Variants in TLK1 observed in about 807,000 individuals in gnomAD.
TLK1 encodes tousled like kinase 1.
Under a neutral mutation model 105.3 loss-of-function variants are expected in TLK1, and 24 were observed. The observed-to-expected ratio is 0.23, with a 90% confidence interval of 0.17 to 0.32. The LOEUF (loss-of-function observed/expected upper bound fraction) is 0.32. TLK1 is among the 10% of genes least tolerant of loss of function. The pLI is 1.00. For synonymous variants in TLK1, 321 were observed against 310.4 expected (o/e 1.03, Z -0.36); for missense variants, 558 against 910.5 (o/e 0.61, Z 4.98).
At chr2:171,036,840 G>C (rs1489661008) in intron 11 of TLK1, among the ~76,000 whole-genome samples, 3 of 152,280 alleles carry the variant, frequency 2.0e-5, no homozygotes, top group Non-Finnish European at 4.4e-5. Flanking sequence ...TGGGGATGTT[G>C]AGATAGGGTG....
chr2:171,139,559 A>G (rs1441830841), intron 1 of TLK1, among the ~76,000 whole-genome samples: 1 of 152,132 alleles, frequency 6.6e-6, no homozygotes, highest in Non-Finnish European at 1.5e-5. Flanking sequence ...CCACCACTGC[A>G]CTCCAGCCTG....
rs1021857089 is a variant in TLK1 at position 171,213,529 on chromosome 2, T to A, written c.-6+17616A>T. Reference sequence around the variant, plus strand: ...ATATCTTTTTTTTAAAAAAAAAAATTTATTTTAGTTTGGGCCCGGTGGCTC... The same window carrying A: ...ATATCTTTTTTTTAAAAAAAAAAATATATTTTAGTTTGGGCCCGGTGGCTC... On this transcript the variant is annotated intron_variant, in intron 1 of 20. Coordinates refer to the TLK1 transcript ENST00000521943. Among the ~76,000 whole-genome samples the A allele has an allele frequency of 5.3e-5, 8 of 151,234 alleles. No homozygotes were observed. The South Asian group carries it at 1.3e-3, about 24-fold the overall frequency.
chr2:171,066,670 A>G (rs1361328631), intron 3 of TLK1, among the ~76,000 whole-genome samples: 1 of 152,234 alleles, frequency 6.6e-6, no homozygotes, highest in African/African-American at 2.4e-5. Flanking sequence ...AAAGGAGTAT[A>G]CTAAGTTTTT....
rs760247845 is a variant in TLK1, at chr2:171,194,817, AGG to A, written c.-6+36326_-6+36327del. ...GGGCGACAGAGCGAGACTCCGTCTC[AGG>A]GAAAAAAAAAAAAAAAAAAAAGTAA... On this transcript the variant is annotated intron_variant, in intron 1 of 20. Coordinates refer to the TLK1 transcript ENST00000521943. 9.3e-3 allele frequency among the ~76,000 whole-genome samples: 879 copies of A among 94,328 alleles called. 13 individuals carry two copies. Among genetic ancestry groups the A allele is most frequent in the African/African-American group, 0.045 (762 of 16,926 alleles). The allele number at this position is 94,328 out of a possible 152,430, so 61.9% of individuals were successfully genotyped here. A position where few individuals can be genotyped will look rare whatever the true frequency, so the allele number is the denominator to read the frequency against.
chr2:171,105,219 G>C (rs1356524985), intron 2 of TLK1, among the ~76,000 whole-genome samples: 1 of 152,158 alleles, frequency 6.6e-6, no homozygotes, highest in African/African-American at 2.4e-5. Context: ...GATACAACCT[G>C]CAAGAAAGTG....
At position 171,006,862 on chromosome 2, in the gene TLK1, G is replaced by A. The variant is rs750733248; in HGVS notation, c.1536C>T (p.His512=). 1.9e-6 allele frequency: 3 copies of A among 1,613,028 alleles called. No homozygotes were observed. The highest frequency in any genetic ancestry group is 2.2e-5 in the South Asian group (2 of 91,042). ...CTATTCTGGGGTGATCCAGTTCTTTGTGTATTCTATACTCTCTGCAGGCAT... is the reference window on the plus strand; with the variant it reads ...CTATTCTGGGGTGATCCAGTTCTTTATGTATTCTATACTCTCTGCAGGCAT... The part of the protein sequence containing the change: ...HKHACREYRI[H]KELDHPRIVK... The change falls in exon 16 of 21, where the codon CAC becomes CAT. Residue 512 remains histidine, a synonymous_variant. Coordinates refer to ENST00000431350, the MANE Select transcript of TLK1 (RefSeq NM_012290.5).
intron 1 of TLK1, among the ~76,000 whole-genome samples, chr2:171,195,065 A>C (rs1693241247): frequency 6.6e-6 from 1 of 152,050 alleles, no homozygotes; most frequent in Admixed American, 6.5e-5. Context: ...TCTGATATGC[A>C]TTTTCGTATA....
upstream of TLK1, among the ~76,000 whole-genome samples, chr2:171,163,440 T>C (rs1692552393): frequency 1.3e-5 from 2 of 152,230 alleles, no homozygotes; most frequent in Non-Finnish European, 1.5e-5. Context: ...CTTTCTGTAT[T>C]TTTAAGAGTA....
chr2:171,002,572 CCTG>C (rs1237982824), intron 18 of TLK1, among the ~76,000 whole-genome samples: 6 of 152,108 alleles, frequency 3.9e-5, no homozygotes, highest in African/African-American at 1.4e-4. Flanking sequence ...CCGCGCCTGG[CCTG>C]CTTTTTCTAA....
chr2:171,139,092 A>G (rs959554938), intron 1 of TLK1, among the ~76,000 whole-genome samples: 4 of 152,228 alleles, frequency 2.6e-5, no homozygotes, highest in African/African-American at 9.6e-5. Context: ...GACGTGTATC[A>G]CATTTTTACT....
At chr2:171,029,454 AC>A (rs1388964077) in intron 11 of TLK1, among the ~76,000 whole-genome samples, 1 of 151,966 alleles carries the variant, frequency 6.6e-6, no homozygotes, top group Non-Finnish European at 1.5e-5. Context: ...ACATAGCAAA[AC>A]CCCGTCTCAA....
chr2:171,149,174 T>G (rs957537884), intron 1 of TLK1, among the ~76,000 whole-genome samples: 18 of 147,336 alleles, frequency 1.2e-4, no homozygotes, highest in African/African-American at 4.5e-4. Flanking sequence ...TATTTCTCTC[T>G]AGCCTGGACA....
In TLK1 at chr2:171,160,565, G is replaced by A. The variant is rs1174640430; in HGVS notation, c.-137C>T. ...AGGGCTGGGAGGGGAGAGTCAAGGG[G>A]ATGGGGGAGGAAACCGAGAAGAGGG... On this transcript the variant is annotated 5_prime_UTR_variant, in exon 1 of 21. Coordinates refer to ENST00000431350, the MANE Select transcript of TLK1 (RefSeq NM_012290.5). The surrounding 1 kb of genome is among the most constrained non-coding windows in gnomAD (Gnocchi z 4.4). 2.5e-6 allele frequency: 3 copies of A among 1,193,144 alleles called. No homozygotes were observed. The highest frequency in any genetic ancestry group is 1.3e-5 in the South Asian group (1 of 74,750). 73.9% of individuals were successfully genotyped at this position (1,193,144 alleles called of 1,614,324 possible). A position where few individuals can be genotyped will look rare whatever the true frequency, so the allele number is the denominator to read the frequency against.
chr2:170,997,706 AT>A lies in TLK1; in HGVS notation c.2016+5del. 6.4e-7 allele frequency: 1 copy of A among 1,569,830 alleles called. No homozygotes were observed. Among genetic ancestry groups the A allele is most frequent in the Non-Finnish European group, 8.7e-7 (1 of 1,151,160 alleles). On this transcript the variant is annotated splice_donor_5th_base_variant and intron_variant, in intron 19 of 20. Transcript: ENST00000431350. Reference sequence around the variant, plus strand: ...TAGAGCTGAAGGCTGGTAGAATTCAATTTACCTTTCTACCATAAAGACACTG... The same window carrying A: ...TAGAGCTGAAGGCTGGTAGAATTCAATTACCTTTCTACCATAAAGACACTG...
At chr2:171,084,254 T>C (rs1309299183) in intron 2 of TLK1, among the ~76,000 whole-genome samples, 1 of 152,150 alleles carries the variant, frequency 6.6e-6, no homozygotes, top group Non-Finnish European at 1.5e-5. Context: ...AGAAGGGTTT[T>C]GCACTTTCAA....
chr2:171,060,177 G>C (rs1575562608), intron 4 of TLK1, among the ~76,000 whole-genome samples: 1 of 152,194 alleles, frequency 6.6e-6, no homozygotes, highest in East Asian at 1.9e-4. Context: ...AGACCACAAA[G>C]GAAAAAAACA....
At chr2:171,059,792 G>A (rs1687662173) in intron 4 of TLK1, 1 of 664,794 alleles carries the variant, frequency 1.5e-6, no homozygotes, top group East Asian at 2.7e-5. Flanking sequence ...ATTCTCATAA[G>A]GGAGTGCATA....
chr2:171,059,368 T>C (rs767130063), intron 4 of TLK1, among the ~76,000 whole-genome samples: 9 of 152,198 alleles, frequency 5.9e-5, no homozygotes, highest in Admixed American at 1.3e-4. Flanking sequence ...ACATGGCACA[T>C]GTAACTTCAG....
chr2:171,039,254 CTTTGT>C lies in TLK1; in HGVS notation c.1169+6915_1169+6919del, dbSNP rs918257810. Among the ~76,000 whole-genome samples, 30 of 151,912 alleles carry C rather than the reference CTTTGT, an allele frequency of 2.0e-4. 1 individual carries two copies. The highest frequency in any genetic ancestry group is 6.0e-4 in the African/African-American group (25 of 41,444). ...TTTCACTATGATGTGTATAGATGAGCTTTGTTTTGTTTTGTTGTTTTGTTTTTTGA... is the reference window on the plus strand; with the variant it reads ...TTTCACTATGATGTGTATAGATGAGCTTTGTTTTGTTGTTTTGTTTTTTGA... On this transcript the variant is annotated intron_variant, in intron 11 of 20. Transcript: ENST00000431350.
Sources: allele counts gnomAD v4.1 joint callset (sites outside exome capture counted in the v4.1 genomes callset), GRCh38; gene constraint gnomAD v4.1.1; non-coding constraint Gnocchi (gnomAD v3.1); transcripts MANE v1.5; gene names NCBI Gene and HGNC (gene_info 2026-07-23, HGNC 2026-07-21).